ARHGAP42: variants seen among roughly 807,000 people sequenced by gnomAD.
ARHGAP42 encodes the protein Rho GTPase activating protein 42, also known as rho GTPase-activating protein 42.
ARHGAP42 carries 63 observed loss-of-function variants against 125.0 expected under a neutral mutation model. That is an observed-to-expected ratio of 0.50 (90% confidence interval 0.41 to 0.62). ARHGAP42 has a LOEUF of 0.62. Ranked by LOEUF, ARHGAP42 falls within the 20% of genes least tolerant of loss-of-function variation. ARHGAP42 has a pLI of 0.00. For synonymous variants in ARHGAP42, 339 were observed against 351.0 expected, an observed-to-expected ratio of 0.97 and a Z score of 0.38; for missense variants, 766 against 1,024.2, an observed-to-expected ratio of 0.75 and a Z score of 3.44.
At chr11:100,908,007 A>G (rs550385817) in intron 4 of ARHGAP42, among the ~76,000 whole-genome samples, 110 of 152,328 alleles carry the variant, frequency 7.2e-4, no homozygotes, top group African/African-American at 2.5e-3. Context: ...ACAATATCCT[A>G]TGTGGCAATT....
chr11:100,720,119 G>C (rs1239683184), intron 1 of ARHGAP42, among the ~76,000 whole-genome samples: 1 of 152,184 alleles, frequency 6.6e-6, no homozygotes, highest in Non-Finnish European at 1.5e-5. Context: ...AGAATCTGCT[G>C]GTGCTGAAAC....
chr11:100,917,802 C>T (rs555860598), intron 5 of ARHGAP42, among the ~76,000 whole-genome samples: 1 of 152,236 alleles, frequency 6.6e-6, no homozygotes, highest in East Asian at 1.9e-4. Context: ...GAACTCCTGA[C>T]CTCAAGTGAT....
chr11:100,950,066 A>C, intron 12 of ARHGAP42, 110 bp downstream of exon 12: 112 of 529,708 alleles, frequency 2.1e-4, no homozygotes, highest in Middle Eastern at 1.1e-3. Flanking sequence ...CATTGATCTC[A>C]TGGTACAGCA....
intron 1 of ARHGAP42, among the ~76,000 whole-genome samples, chr11:100,726,913 T>C (rs1861871661): frequency 6.6e-6 from 1 of 152,222 alleles, no homozygotes; most frequent in African/African-American, 2.4e-5. Flanking sequence ...TTTGAAGTCA[T>C]GATTCCAACA....
chr11:100,807,750 G>A (rs1864033398), intron 3 of ARHGAP42, among the ~76,000 whole-genome samples: 1 of 152,116 alleles, frequency 6.6e-6, no homozygotes, highest in Non-Finnish European at 1.5e-5. Context: ...TCATTTTCCT[G>A]CCTTTGGCAT....
At chr11:100,856,069 C>A (rs1479664783) in intron 3 of ARHGAP42, among the ~76,000 whole-genome samples, 4 of 151,980 alleles carry the variant, frequency 2.6e-5, no homozygotes, top group African/African-American at 4.8e-5. Context: ...ACTGTGGGAT[C>A]CTGAATCTCC....
intron 4 of ARHGAP42, among the ~76,000 whole-genome samples, chr11:100,906,867 C>T (rs1866751755): frequency 6.6e-6 from 1 of 152,192 alleles, no homozygotes; most frequent in Non-Finnish European, 1.5e-5. Flanking sequence ...GTGTAGCACT[C>T]CATAGTACAC....
intron 5 of ARHGAP42, among the ~76,000 whole-genome samples, chr11:100,920,800 G>A (rs1867218211): frequency 1.3e-5 from 2 of 152,116 alleles, no homozygotes; most frequent in South Asian, 4.1e-4. Flanking sequence ...TCAGTTTAGA[G>A]CCATTGAATT....
At chr11:100,904,053 A>T (rs1866651738) in intron 4 of ARHGAP42, among the ~76,000 whole-genome samples, 1 of 151,780 alleles carries the variant, frequency 6.6e-6, no homozygotes, top group Non-Finnish European at 1.5e-5. Flanking sequence ...TCAAATGTTC[A>T]TCTCTTTTGG....
chr11:100,915,081 A>G (rs1438131800), intron 5 of ARHGAP42, among the ~76,000 whole-genome samples: 1 of 152,162 alleles, frequency 6.6e-6, no homozygotes, highest in African/African-American at 2.4e-5. Flanking sequence ...AAATAGTATA[A>G]TTTAATATAT....
intron 12 of ARHGAP42, among the ~76,000 whole-genome samples, chr11:100,958,567 A>G (rs1227016908): frequency 6.6e-6 from 1 of 152,046 alleles, no homozygotes; most frequent in Non-Finnish European, 1.5e-5. Flanking sequence ...ATTTTTCAAA[A>G]TGTCAAATAA....
intron 1 of ARHGAP42, among the ~76,000 whole-genome samples, chr11:100,726,819 G>A (rs1346290640): frequency 6.6e-6 from 1 of 152,182 alleles, no homozygotes; most frequent in African/African-American, 2.4e-5. Context: ...CACTCAGTTG[G>A]GTGAACTTCT....
intron 1 of ARHGAP42, among the ~76,000 whole-genome samples, chr11:100,753,956 T>C (rs775799160): frequency 4.6e-5 from 7 of 152,220 alleles, no homozygotes; most frequent in Non-Finnish European, 1.0e-4. Flanking sequence ...CCTGCATTGC[T>C]CCATGGAAAA....
At chr11:100,725,421 G>T (rs962236327) in intron 1 of ARHGAP42, among the ~76,000 whole-genome samples, 10 of 151,532 alleles carry the variant, frequency 6.6e-5, no homozygotes, top group Non-Finnish European at 1.5e-4. Flanking sequence ...TGCCCACCTC[G>T]GCCTTCCAAA....
At chr11:100,983,645 T>C (rs1313523115) in intron 22 of ARHGAP42, among the ~76,000 whole-genome samples, 1 of 152,202 alleles carries the variant, frequency 6.6e-6, no homozygotes, top group African/African-American at 2.4e-5. Flanking sequence ...ACCTAAAAAA[T>C]ACTTTGTTAC....
At chr11:100,710,538 G>GTTTTTTTT (rs57891043) in intron 1 of ARHGAP42, among the ~76,000 whole-genome samples, 1 of 107,238 alleles carries the variant, frequency 9.3e-6, no homozygotes, top group Non-Finnish European at 1.8e-5. Context: ...CCGGCCAGCA[G>GTTTTTTTT]TTTTTTTTTT....
At chr11:100,787,845 T>C (rs1455753060) in intron 2 of ARHGAP42, among the ~76,000 whole-genome samples, 1 of 152,170 alleles carries the variant, frequency 6.6e-6, no homozygotes, top group Non-Finnish European at 1.5e-5. Flanking sequence ...GGTAAGCCAA[T>C]GGATTCCAAA....
intron 18 of ARHGAP42, among the ~76,000 whole-genome samples, chr11:100,974,173 G>T (rs1858327519): frequency 6.6e-6 from 1 of 152,144 alleles, no homozygotes; most frequent in African/African-American, 2.4e-5. Flanking sequence ...AGAGTATGAA[G>T]GTGGAAAGAG....
intron 1 of ARHGAP42, among the ~76,000 whole-genome samples, chr11:100,763,128 G>A (rs567470887): frequency 3.4e-4 from 52 of 151,188 alleles, no homozygotes; most frequent in African/African-American, 1.1e-3. Flanking sequence ...ACAGGCATGC[G>A]CTACCATGCC....
Sources: gnomAD v4.1 joint callset for allele counts (sites outside exome capture counted in the v4.1 genomes callset) on GRCh38, gnomAD v4.1.1 for gene constraint, MANE v1.5 for transcripts, NCBI Gene and HGNC (gene_info 2026-07-23, HGNC 2026-07-21) for gene names.